The following MACF1 variants were observed in gnomAD, a reference collection of about 807,000 sequenced individuals.
The protein encoded by MACF1 is microtubule actin crosslinking factor 1, also known as microtubule-actin cross-linking factor 1.
Under a neutral mutation model 854.8 loss-of-function variants are expected in MACF1, and 193 were observed. That is an observed-to-expected ratio of 0.23 (90% confidence interval 0.20 to 0.25). MACF1 has a LOEUF of 0.25. MACF1 is among the 10% of genes least tolerant of loss of function. MACF1 has a pLI of 1.00. For missense variants in MACF1, 7,722 were observed against 8,929.1 expected (o/e 0.86, Z 5.45); for synonymous variants, 3,185 against 3,226.7 (o/e 0.99, Z 0.44).
intron 2 of MACF1, among the ~76,000 whole-genome samples, chr1:39,162,057 G>A (rs2148209454): frequency 6.6e-6 from 1 of 151,672 alleles, no homozygotes; most frequent in Admixed American, 6.5e-5. Flanking sequence ...AGTACACCCT[G>A]TCTCTCTGTC....
intron 2 of MACF1, among the ~76,000 whole-genome samples, chr1:39,114,737 A>G (rs1175363835): frequency 1.3e-5 from 2 of 152,176 alleles, no homozygotes; most frequent in Non-Finnish European, 2.9e-5. Context: ...GAGGAAACAT[A>G]TTGGCAAACT....
chr1:39,189,074 G>C (rs932260931), intron 2 of MACF1, among the ~76,000 whole-genome samples: 3 of 152,166 alleles, frequency 2.0e-5, no homozygotes, highest in African/African-American at 7.2e-5. Flanking sequence ...TGTTTTCACT[G>C]AGACACCTGG....
upstream of MACF1, among the ~76,000 whole-genome samples, chr1:39,200,418 G>T (rs1230344675): frequency 6.6e-6 from 1 of 152,154 alleles, no homozygotes; most frequent in East Asian, 1.9e-4. Flanking sequence ...TCCAGCCTGG[G>T]CCAGGCACAG....
At chr1:39,324,425 G>A (rs1279770558) in intron 34 of MACF1, 80 bp downstream of exon 34, 8 of 1,510,410 alleles carry the variant, frequency 5.3e-6, no homozygotes, top group Non-Finnish European at 7.2e-6. Context: ...GAAGTCACAT[G>A]TGGGCCATTC....
chr1:39,234,787 G>A (rs1237658862), intron 2 of MACF1, among the ~76,000 whole-genome samples: 2 of 114,528 alleles, frequency 1.7e-5, no homozygotes, highest in Admixed American at 1.8e-4. Context: ...TCACTTCTCA[G>A]ACGGGGCGGC....
intron 89 of MACF1, chr1:39,458,057 A>G (rs954662743): frequency 4.5e-6 from 1 of 220,756 alleles, no homozygotes; most frequent in African/African-American, 2.3e-5. Context: ...GCCAGTTCTC[A>G]TGTGAACTAA....
intron 23 of MACF1, among the ~76,000 whole-genome samples, chr1:39,305,282 G>A (rs1050634187): frequency 6.6e-6 from 1 of 150,630 alleles, no homozygotes; most frequent in Non-Finnish European, 1.5e-5. Context: ...AAAAAAGTGT[G>A]TGTGTGTATA....
chr1:39,210,971 C>G (rs1046462008), intron 1 of MACF1, among the ~76,000 whole-genome samples: 10 of 149,698 alleles, frequency 6.7e-5, no homozygotes, highest in African/African-American at 2.3e-4. Context: ...TCCCTCCCTC[C>G]CTCGCTCCCT....
At chr1:39,126,450 C>T (rs758038388) in intron 2 of MACF1, among the ~76,000 whole-genome samples, 1 of 152,154 alleles carries the variant, frequency 6.6e-6, no homozygotes, top group Non-Finnish European at 1.5e-5. Flanking sequence ...TTCACAGTCC[C>T]TGGGGTTAGG....
At chr1:39,438,400 A>G (rs1644026713) in intron 71 of MACF1, among the ~76,000 whole-genome samples, 1 of 152,216 alleles carries the variant, frequency 6.6e-6, no homozygotes, top group African/African-American at 2.4e-5. Flanking sequence ...TCTTAGCACT[A>G]CCTTTATAGT....
At chr1:39,449,935 C>T (rs1384420127) in intron 84 of MACF1, among the ~76,000 whole-genome samples, 4 of 152,112 alleles carry the variant, frequency 2.6e-5, no homozygotes, top group Non-Finnish European at 5.9e-5. Context: ...TCTCGGGTCA[C>T]TGCAACCTCC....
chr1:39,190,186 T>C (rs1411741580), intron 2 of MACF1, among the ~76,000 whole-genome samples: 1 of 152,168 alleles, frequency 6.6e-6, no homozygotes, highest in Non-Finnish European at 1.5e-5. Context: ...TTCATTCTTG[T>C]TGAAAATTTT....
intron 1 of MACF1, among the ~76,000 whole-genome samples, chr1:39,227,536 G>A (rs757954810): frequency 1.3e-5 from 2 of 152,164 alleles, no homozygotes; most frequent in Non-Finnish European, 2.9e-5. Flanking sequence ...TAGATATTTG[G>A]AGGACACAGA....
intron 5 of MACF1, among the ~76,000 whole-genome samples, chr1:39,255,768 T>G (rs1422931318): frequency 6.6e-6 from 1 of 152,234 alleles, no homozygotes. Context: ...AAGTGGAGGT[T>G]GCTGAAGTGT....
At chr1:39,178,531 A>G (rs1041657664) in intron 2 of MACF1, among the ~76,000 whole-genome samples, 2 of 152,138 alleles carry the variant, frequency 1.3e-5, no homozygotes, top group Admixed American at 6.5e-5. Context: ...TAGTTGCTGG[A>G]TTCAGCAACG....
At position 39,314,548 on chromosome 1, in the gene MACF1, T is replaced by TTC. The variant is rs147825623; in HGVS notation, c.3271-944_3271-943dup. On this transcript the variant is annotated intron_variant, in intron 26 of 100. Coordinates refer to ENST00000564288, the MANE Select transcript of MACF1 (RefSeq NM_001394062.1). ...TATTTATTGATCTCTCAATTTCTCTTTCTCTCTCTCTCTCTCTCTCTCACA... is the reference window on the plus strand; with the variant it reads ...TATTTATTGATCTCTCAATTTCTCTTTCTCTCTCTCTCTCTCTCTCTCTCACA... 2.9e-3 allele frequency among the ~76,000 whole-genome samples: 369 copies of TTC among 126,444 alleles called. 4 individuals carry two copies. The Middle Eastern group carries it at 0.069, about 24-fold the overall frequency. 83.0% of individuals were successfully genotyped at this position (126,444 alleles called of 152,430 possible). A position where few individuals can be genotyped will look rare whatever the true frequency, so the allele number is the denominator to read the frequency against.
At chr1:39,222,520 T>TTCG (rs896305531) in intron 1 of MACF1, among the ~76,000 whole-genome samples, 70 of 152,316 alleles carry the variant, frequency 4.6e-4, no homozygotes, top group African/African-American at 1.4e-3. Context: ...CACCGTTCAC[T>TTCG]TCGTAGCCTT....
intron 58 of MACF1, chr1:39,410,196 A>G: frequency 8.9e-7 from 1 of 1,122,642 alleles, no homozygotes; most frequent in Non-Finnish European, 1.3e-6. Flanking sequence ...TAACTTATGT[A>G]GAATGCATTT....
At chr1:39,269,302 C>G (rs1410001769) in intron 6 of MACF1, 3 of 1,289,714 alleles carry the variant, frequency 2.3e-6, no homozygotes, top group Admixed American at 2.3e-5. Flanking sequence ...TGTGCTTTGC[C>G]TAGGACAGAC....
Sources: allele counts gnomAD v4.1 joint callset (sites outside exome capture counted in the v4.1 genomes callset), GRCh38; gene constraint gnomAD v4.1.1; transcripts MANE v1.5; gene names NCBI Gene and HGNC (gene_info 2026-07-23, HGNC 2026-07-21).